CBFA2T2: variants seen among roughly 807,000 people sequenced by gnomAD.
The protein encoded by CBFA2T2 is CBFA2/RUNX1 partner transcriptional co-repressor 2, also known as protein CBFA2T2.
In CBFA2T2, 11 loss-of-function variants were observed where a neutral mutation model predicts 62.2. That is an observed-to-expected ratio of 0.18 (90% CI 0.11 to 0.29). The LOEUF (loss-of-function observed/expected upper bound fraction) is 0.29. Among genes scored for constraint, CBFA2T2 ranks in the 10% least tolerant of loss-of-function variants. The pLI, the probability that CBFA2T2 is intolerant of heterozygous loss-of-function variation, is 1.00. For missense variants in CBFA2T2, 592 were observed against 774.1 expected, an observed-to-expected ratio of 0.76 and a Z score of 2.79; for synonymous variants, 295 against 287.5, an observed-to-expected ratio of 1.03 and a Z score of -0.27.
chr20:33,499,966 T>A (rs1193479544), intron 1 of CBFA2T2, among the ~76,000 whole-genome samples: 3 of 152,126 alleles, frequency 2.0e-5, no homozygotes, highest in African/African-American at 7.2e-5. Context: ...ATTTATTTTT[T>A]ATTTTTTATT....
chr20:33,557,238 C>T (rs2012926593), intron 1 of CBFA2T2, among the ~76,000 whole-genome samples: 1 of 151,968 alleles, frequency 6.6e-6, no homozygotes, highest in Non-Finnish European at 1.5e-5. Flanking sequence ...TGGTCTCGAA[C>T]TGCTGACCTT....
chr20:33,495,194 T>C (rs2011186920), intron 1 of CBFA2T2, among the ~76,000 whole-genome samples: 1 of 151,020 alleles, frequency 6.6e-6, no homozygotes, highest in Non-Finnish European at 1.5e-5. Flanking sequence ...GTCAGGAGTT[T>C]TGAGACCAGC....
At chr20:33,525,427 C>G (rs1421430743) in intron 1 of CBFA2T2, among the ~76,000 whole-genome samples, 1 of 152,160 alleles carries the variant, frequency 6.6e-6, no homozygotes, top group Non-Finnish European at 1.5e-5. Context: ...CTCAGGTGAT[C>G]TTCCTGCCTT....
At chr20:33,563,864 G>A (rs762584868) in intron 1 of CBFA2T2, among the ~76,000 whole-genome samples, 2 of 152,054 alleles carry the variant, frequency 1.3e-5, no homozygotes, top group South Asian at 4.1e-4. Flanking sequence ...TTTTCAGGGC[G>A]CCCTTCCTCT....
intron 1 of CBFA2T2, among the ~76,000 whole-genome samples, chr20:33,598,596 C>T (rs1276606172): frequency 1.3e-5 from 2 of 152,092 alleles, no homozygotes; most frequent in Non-Finnish European, 2.9e-5. Context: ...ACCTGCTGTA[C>T]AATTTGTGCA....
At chr20:33,529,908 C>G (rs921653813) in intron 1 of CBFA2T2, among the ~76,000 whole-genome samples, 2 of 151,166 alleles carry the variant, frequency 1.3e-5, no homozygotes, top group African/African-American at 2.4e-5. Flanking sequence ...CCTCAGCCTC[C>G]CAAGTAGCTG....
Position 33,611,249 on chromosome 20 carries a change from C to T in CBFA2T2, c.334C>T (p.Arg112Cys), listed in dbSNP as rs1444334009. ...TGCTCGACAACTCAGCAAGTTGAAA[C>T]GCTTTCTTACCACTCTGCAACAGTT... ...CGARQLSKLK[R>C]FLTTLQQFGN... The change falls in exon 3 of 11, where the codon CGC (arginine) becomes TGC (cysteine). Residue 112 changes from arginine to cysteine, a missense_variant. Coordinates refer to ENST00000342704, the MANE Select transcript of CBFA2T2 (RefSeq NM_001032999.3). 3 of 1,614,174 alleles carry T rather than the reference C, an allele frequency of 1.9e-6. No individual in the cohort carries two copies. The highest frequency in any genetic ancestry group is 1.1e-5 in the South Asian group (1 of 91,080).
intron 6 of CBFA2T2, among the ~76,000 whole-genome samples, chr20:33,626,437 C>T (rs890329883): frequency 7.2e-5 from 11 of 152,188 alleles, no homozygotes; most frequent in African/African-American, 1.9e-4. Context: ...ATGATTGTAA[C>T]GCCACCCCCT....
intron 1 of CBFA2T2, among the ~76,000 whole-genome samples, chr20:33,551,251 T>A (rs2012734193): frequency 6.6e-6 from 1 of 151,586 alleles, no homozygotes; most frequent in Non-Finnish European, 1.5e-5. Flanking sequence ...AGTTTCGCTG[T>A]TGTCGCCCAG....
intron 1 of CBFA2T2, among the ~76,000 whole-genome samples, chr20:33,564,408 C>A (rs1262609829): frequency 6.6e-6 from 1 of 151,562 alleles, no homozygotes; most frequent in African/African-American, 2.4e-5. Flanking sequence ...TATAGGCGTG[C>A]CACCATGCCT....
chr20:33,525,611 A>G (rs2011866109), intron 1 of CBFA2T2, among the ~76,000 whole-genome samples: 1 of 152,166 alleles, frequency 6.6e-6, no homozygotes, highest in Non-Finnish European at 1.5e-5. Context: ...ATACCCATTA[A>G]CAATTACTGT....
rs990037384 is a variant in CBFA2T2, at chr20:33,608,790, G to A, written c.178+1691G>A. 6.6e-5 allele frequency among the ~76,000 whole-genome samples: 10 copies of A among 151,996 alleles called. No homozygotes were observed. In the South Asian group the frequency reaches 1.2e-3, roughly 19 times the overall value. On this transcript the variant is annotated intron_variant, in intron 2 of 10. Coordinates refer to ENST00000342704, the MANE Select transcript of CBFA2T2 (RefSeq NM_001032999.3). ...ATACATTTTTTTCTAAAGAGACTAC[G>A]AAAAAGCCTTTCTATACATCAGAGA...
chr20:33,643,079 T>C (rs2016912819), intron 10 of CBFA2T2, among the ~76,000 whole-genome samples: 1 of 152,216 alleles, frequency 6.6e-6, no homozygotes, highest in East Asian at 1.9e-4. Flanking sequence ...TAGAATATCC[T>C]TGTTGAAATT....
chr20:33,514,700 A>T (rs958936167), intron 1 of CBFA2T2, among the ~76,000 whole-genome samples: 16 of 151,320 alleles, frequency 1.1e-4, no homozygotes, highest in Non-Finnish European at 1.8e-4. Context: ...TATTTATTTT[A>T]TTATTATTAT....
rs1568875362 is a variant in CBFA2T2, at chr20:33,642,119, TGTGTGTG to T, written c.1488+1589_1488+1595del. 1.5e-3 allele frequency among the ~76,000 whole-genome samples: 44 copies of T among 28,884 alleles called. 2 individuals are homozygous for T. The highest frequency in any genetic ancestry group is 5.3e-3 in the African/African-American group (34 of 6,358). The allele number at this position is 28,884 out of a possible 152,430, so 18.9% of individuals were successfully genotyped here. A position where few individuals can be genotyped will look rare whatever the true frequency, so the allele number is the denominator to read the frequency against. On this transcript the variant is annotated intron_variant, in intron 10 of 10. Coordinates refer to ENST00000342704, the MANE Select transcript of CBFA2T2 (RefSeq NM_001032999.3). ...TCCTCCTTTGTCTTTTTTTTTTTTG[TGTGTGTG>T]TGTGTGTGTGTGTGTGTGTGTGTGT...
intron 1 of CBFA2T2, among the ~76,000 whole-genome samples, chr20:33,536,058 CAT>C (rs1325915032): frequency 6.6e-6 from 1 of 152,242 alleles, no homozygotes. Flanking sequence ...AAAAGTCTCA[CAT>C]GTCTACTTCT....
At chr20:33,637,631 T>C (rs2016674825) in intron 9 of CBFA2T2, among the ~76,000 whole-genome samples, 1 of 152,068 alleles carries the variant, frequency 6.6e-6, no homozygotes. Flanking sequence ...AGAAATTAAG[T>C]GAGTACCTGC....
intron 1 of CBFA2T2, among the ~76,000 whole-genome samples, chr20:33,514,063 G>A (rs964666590): frequency 6.6e-6 from 1 of 150,830 alleles, no homozygotes; most frequent in African/African-American, 2.4e-5. Flanking sequence ...ACCATGCCTG[G>A]CTACTTTTTT....
At chr20:33,490,330 AG>A in intron 1 of CBFA2T2, 29 bp downstream of exon 1, 3 of 1,276,598 alleles carry the variant, frequency 2.3e-6, no homozygotes, top group Admixed American at 3.6e-5. Context: ...CGGGCGGCCG[AG>A]GGGGGCGTGT....
Sources: gnomAD v4.1 joint callset for allele counts (sites outside exome capture counted in the v4.1 genomes callset) on GRCh38, gnomAD v4.1.1 for gene constraint, MANE v1.5 for transcripts, NCBI Gene and HGNC (gene_info 2026-07-23, HGNC 2026-07-21) for gene names.